RELL1: variants seen among roughly 807,000 people sequenced by gnomAD.
RELL1 encodes RELT-like protein 1.
In RELL1, 10 loss-of-function variants were observed where a neutral mutation model predicts 23.0. The observed-to-expected ratio is 0.43, with a 90% CI of 0.27 to 0.74. RELL1 has a LOEUF of 0.74. Ranked by LOEUF, RELL1 falls within the 30% of genes least tolerant of loss-of-function variation. The probability of loss-of-function intolerance (pLI) is 0.19; values close to 1 mark genes in which losing one functional copy is unlikely to be tolerated. For synonymous variants in RELL1, 146 were observed against 146.8 expected, an observed-to-expected ratio of 0.99 and a Z score of 0.04; for missense variants, 315 against 364.4, an observed-to-expected ratio of 0.86 and a Z score of 1.10.
downstream of RELL1, among the ~76,000 whole-genome samples, chr4:37,606,105 A>G (rs1204212640): frequency 2.0e-5 from 3 of 148,012 alleles, no homozygotes; most frequent in South Asian, 2.2e-4. This position sits in a 1 kb window ranked among gnomAD's most constrained non-coding sequence, Gnocchi z 4.1. Context: ...AGGCAAGAAG[A>G]AGGAGGAGGA....
intron 6 of RELL1, among the ~76,000 whole-genome samples, chr4:37,627,827 T>C (rs1211828194): frequency 6.6e-6 from 1 of 152,194 alleles, no homozygotes; most frequent in Non-Finnish European, 1.5e-5. Flanking sequence ...AGCAAAAACC[T>C]CTTTCAGGAA....
intron 3 of RELL1, among the ~76,000 whole-genome samples, chr4:37,639,521 C>CAAA (rs68167103): frequency 2.0e-4 from 29 of 146,424 alleles, no homozygotes; most frequent in Non-Finnish European, 2.7e-4. Context: ...TCAACAAAAG[C>CAAA]AAAAAAAAAA....
chr4:37,629,949 C>T (rs1008269384), intron 6 of RELL1, among the ~76,000 whole-genome samples: 1 of 152,180 alleles, frequency 6.6e-6, no homozygotes, highest in African/African-American at 2.4e-5. Flanking sequence ...AATCTCACTC[C>T]CGCCCCTGAG....
intron 1 of RELL1, among the ~76,000 whole-genome samples, chr4:37,665,839 ACAACTGGC>A (rs1429691127): frequency 4.6e-5 from 7 of 152,216 alleles, no homozygotes; most frequent in African/African-American, 1.7e-4. Context: ...GTTTCTGGGC[ACAACTGGC>A]ACCTGTCAGG....
At chr4:37,628,456 T>C (rs1380752429) in intron 6 of RELL1, among the ~76,000 whole-genome samples, 1 of 152,202 alleles carries the variant, frequency 6.6e-6, no homozygotes, top group Admixed American at 6.5e-5. Context: ...CCCAAAAAAC[T>C]GTAGGTATTA....
chr4:37,596,730 ATATATATTTTTTTTTTTTTT>A (rs1185721579), intron 6 of RELL1, among the ~76,000 whole-genome samples: 15 of 16,988 alleles, frequency 8.8e-4, no homozygotes, highest in African/African-American at 2.2e-3. Context: ...ATATATATAT[ATATATATTTTTTTTTTTTTT>A]TTTTTTTTTT....
downstream of RELL1, among the ~76,000 whole-genome samples, chr4:37,586,600 G>A (rs537123981): frequency 2.5e-4 from 38 of 152,262 alleles, no homozygotes; most frequent in African/African-American, 6.0e-4. Context: ...AAATTACTAC[G>A]AACTTAGAGG....
chr4:37,655,100 AT>A (rs1455620117), intron 1 of RELL1, among the ~76,000 whole-genome samples: 3 of 152,114 alleles, frequency 2.0e-5, no homozygotes, highest in South Asian at 2.1e-4. Flanking sequence ...GGATGCTAGG[AT>A]TCCTATTTCA....
At chr4:37,606,984 G>C (rs1211609106), downstream of RELL1, among the ~76,000 whole-genome samples, 1 of 152,202 alleles carries the variant, frequency 6.6e-6, no homozygotes, top group East Asian at 1.9e-4. This position sits in a 1 kb window ranked among gnomAD's most constrained non-coding sequence, Gnocchi z 4.1. Context: ...TTCCTGACAT[G>C]ATTCAATGGG....
intron 1 of RELL1, among the ~76,000 whole-genome samples, chr4:37,660,987 T>C (rs867799820): frequency 1.3e-4 from 19 of 150,940 alleles, no homozygotes; most frequent in Middle Eastern, 3.4e-3. Context: ...GCCGAGACTG[T>C]GCCACTGCAC....
At chr4:37,679,878 G>A (rs1173120071) in intron 1 of RELL1, among the ~76,000 whole-genome samples, 1 of 151,448 alleles carries the variant, frequency 6.6e-6, no homozygotes, top group African/African-American at 2.4e-5. Context: ...CTTGAACCCG[G>A]GAGGCGGAGC....
At chr4:37,660,265 G>A (rs151229655) in intron 1 of RELL1, among the ~76,000 whole-genome samples, 2,524 of 151,748 alleles carry the variant, frequency 0.017, 36 homozygotes, top group Middle Eastern at 0.068. Flanking sequence ...CACCTCCCTG[G>A]GCCTCAGTTT....
At chr4:37,623,701 C>G (rs1281483358) in intron 6 of RELL1, among the ~76,000 whole-genome samples, 1 of 152,084 alleles carries the variant, frequency 6.6e-6, no homozygotes, top group Non-Finnish European at 1.5e-5. Flanking sequence ...GTCTCCCACA[C>G]AGGAGTACGG....
At chr4:37,658,874 T>G (rs1244087848) in intron 1 of RELL1, among the ~76,000 whole-genome samples, 1 of 152,150 alleles carries the variant, frequency 6.6e-6, no homozygotes, top group African/African-American at 2.4e-5. Flanking sequence ...AGAAGTAGGA[T>G]AAGTTTTGAA....
rs537102934 is a variant in RELL1 at position 37,598,108 on chromosome 4, G to A, written c.*4-6891C>T. Among the ~76,000 whole-genome samples the A allele has an allele frequency of 2.4e-3, 193 of 79,878 alleles. 1 individual carries two copies. Among genetic ancestry groups the A allele is most frequent in the African/African-American group, 7.0e-3 (186 of 26,702 alleles). The allele number at this position is 79,878 out of a possible 152,430, so 52.4% of individuals were successfully genotyped here. ...ATATATATATATAACTCCTCCTATAGCTACTTTTCTGCAAATAACTGCATT... is the reference window on the plus strand; with the variant it reads ...ATATATATATATAACTCCTCCTATAACTACTTTTCTGCAAATAACTGCATT... On this transcript the variant is annotated intron_variant, in intron 6 of 6. Transcript: ENST00000314117.
chr4:37,622,683 G>C, intron 6 of RELL1: 2 of 395,288 alleles, frequency 5.1e-6, no homozygotes, highest in South Asian at 3.8e-5. Flanking sequence ...GAAAAGTCTG[G>C]TATAAGCACT....
chr4:37,675,341 C>A (rs1011325856), intron 1 of RELL1, among the ~76,000 whole-genome samples: 1 of 152,202 alleles, frequency 6.6e-6, no homozygotes, highest in Non-Finnish European at 1.5e-5. Context: ...TGAACACACA[C>A]CTCACGTTGA....
rs533500258 is a variant in RELL1 at position 37,629,203 on chromosome 4, C to A, written c.*3+2182G>T. On this transcript the variant is annotated intron_variant, in intron 6 of 6. Transcript: ENST00000454158. ...CTCATACTCAGCCTGTCCTTATGACCCATACTTTCTTTGCAGCTAAGCTGG... is the reference window on the plus strand; with the variant it reads ...CTCATACTCAGCCTGTCCTTATGACACATACTTTCTTTGCAGCTAAGCTGG... 5.3e-5 allele frequency among the ~76,000 whole-genome samples: 8 copies of A among 152,292 alleles called. No individual in the cohort carries two copies. The South Asian group carries it at 1.7e-3, about 32-fold the overall frequency.
chr4:37,638,359 C>A, intron 4 of RELL1, 88 bp downstream of exon 4: 1 of 1,048,868 alleles, frequency 9.5e-7, no homozygotes, highest in Non-Finnish European at 1.5e-6. Context: ...GGGAAACCTG[C>A]TCTAGCAGAA....
Sources: gnomAD v4.1 joint callset for allele counts (sites outside exome capture counted in the v4.1 genomes callset) on GRCh38, gnomAD v4.1.1 for gene constraint, Gnocchi (gnomAD v3.1) non-coding constraint, MANE v1.5 for transcripts, NCBI Gene and HGNC (gene_info 2026-07-23, HGNC 2026-07-21) for gene names.